The following ITPR3 variants were observed in gnomAD, a reference collection of about 807,000 sequenced individuals.
ITPR3 encodes the protein inositol 1,4,5-trisphosphate receptor type 3.
Under a neutral mutation model 293.2 loss-of-function variants are expected in ITPR3, and 173 were observed. That is an observed-to-expected ratio of 0.59 (90% CI 0.52 to 0.67). ITPR3 has a LOEUF of 0.67. Among genes scored for constraint, ITPR3 ranks in the 30% least tolerant of loss-of-function variants. ITPR3 has a pLI of 0.00. For missense variants in ITPR3, 2,796 were observed against 3,592.1 expected (o/e 0.78, Z 5.66); for synonymous variants, 1,295 against 1,444.4 (o/e 0.90, Z 2.35).
rs139529366 is a variant in ITPR3, at chr6:33,660,249, T to G, written c.711+700T>G. Among the ~76,000 whole-genome samples the G allele has an allele frequency of 6.4e-3, 978 of 152,184 alleles. 4 individuals carry two copies. Among genetic ancestry groups the G allele is most frequent in the Non-Finnish European group, 0.01 (704 of 67,986 alleles). ...AGGGCAGATCTGTAGAGTGTGAGGC[T>G]GTCCAGCTAGGGGAGCAGGCAGGAA... On this transcript the variant is annotated intron_variant, in intron 7 of 57. Coordinates refer to ENST00000605930, the MANE Select transcript of ITPR3 (RefSeq NM_002224.4).
rs141148752 is a variant in ITPR3, at chr6:33,664,003, CTG to C, written c.1148+125_1148+126del. 4.2e-3 allele frequency: 4,897 copies of C among 1,171,876 alleles called. 149 individuals carry two copies. The East Asian group carries it at 0.064, about 15-fold the overall frequency. 72.6% of individuals were successfully genotyped at this position (1,171,876 alleles called of 1,614,324 possible). On this transcript the variant is annotated intron_variant, in intron 11 of 57. Coordinates refer to ENST00000605930, the MANE Select transcript of ITPR3 (RefSeq NM_002224.4). This position sits in a 1 kb window ranked among gnomAD's most constrained non-coding sequence, Gnocchi z 4.4. ...TGCGGTCCTTTAGCCTCTGGGGTCT[CTG>C]TAGGTCCCATCCCTCTGGGGATCTA...
intron 3 of ITPR3, among the ~76,000 whole-genome samples, chr6:33,656,914 GC>G (rs1477884324): frequency 6.6e-6 from 1 of 152,228 alleles, no homozygotes; most frequent in Non-Finnish European, 1.5e-5. Flanking sequence ...CTGCAGGTGG[GC>G]TGCCTGAGCT....
In ITPR3 at chr6:33,685,758, C is replaced by T. The variant is rs777992438; in HGVS notation, c.5598C>T (p.Ser1866=). The T allele has an allele frequency of 3.1e-6, 5 of 1,604,742 alleles. No individual in the cohort carries two copies. The highest frequency in any genetic ancestry group is 2.7e-5 in the African/African-American group (2 of 74,744). The change falls in exon 41 of 58, where the codon TCC becomes TCT. Residue 1866 remains serine, a synonymous_variant. Coordinates refer to ENST00000605930, the MANE Select transcript of ITPR3 (RefSeq NM_002224.4). The part of the protein sequence containing the change: ...ERVQSSEMGT[S]VLIMQPILRF... ...TGCAGAGCAGTGAGATGGGCACATC[C>T]GTGCTCATCATGCAGCCCATCCTGC...
At position 33,690,042 on chromosome 6, in the gene ITPR3, C is replaced by T. The variant is rs751208570; in HGVS notation, c.6876C>T (p.Asn2292=). ...CTTGCACTCGCCCCCAGCTGACCAA[C>T]AAGATCGTGTTTGTGGTGAGCTTCG... ...LNILGALNLT[N]KIVFVVSFVG... The change falls in exon 51 of 58, where the codon AAC becomes AAT. Residue 2292 remains asparagine (N), a synonymous_variant. Coordinates refer to ENST00000605930, the MANE Select transcript of ITPR3 (RefSeq NM_002224.4). 1.2e-6 allele frequency: 2 copies of T among 1,614,100 alleles called. No homozygotes were observed. Among genetic ancestry groups the T allele is most frequent in the Admixed American group, 1.7e-5 (1 of 60,006 alleles).
chr6:33,688,925 T>C (rs1765314323), intron 49 of ITPR3, 144 bp downstream of exon 49: 1 of 1,146,930 alleles, frequency 8.7e-7, no homozygotes, highest in Non-Finnish European at 1.3e-6. Flanking sequence ...TCCTGTGGGC[T>C]CTCGCCCCAT....
intron 2 of ITPR3, among the ~76,000 whole-genome samples, chr6:33,641,398 C>T (rs528341716): frequency 6.6e-5 from 10 of 152,250 alleles, no homozygotes; most frequent in East Asian, 1.9e-4. Flanking sequence ...ATTGTCCTCG[C>T]GGGGGATGCT....
intron 2 of ITPR3, among the ~76,000 whole-genome samples, chr6:33,646,601 TCCTC>T (rs1377570069): frequency 6.6e-6 from 1 of 151,876 alleles, no homozygotes; most frequent in African/African-American, 2.4e-5. Flanking sequence ...AGCTCAAACT[TCCTC>T]TCTCTCTCTT....
At chr6:33,625,389 C>T (rs563282640) in intron 1 of ITPR3, among the ~76,000 whole-genome samples, 4 of 152,176 alleles carry the variant, frequency 2.6e-5, no homozygotes, top group African/African-American at 9.7e-5. Flanking sequence ...GCCTCCACAC[C>T]CAGCTAATTT....
rs1486044751 is a variant in ITPR3 at position 33,662,972 on chromosome 6, A to G, written c.920A>G (p.Lys307Arg). 6.2e-7 allele frequency: 1 copy of G among 1,604,246 alleles called. No homozygotes were observed. Among genetic ancestry groups the G allele is most frequent in the South Asian group, 1.1e-5 (1 of 89,122 alleles). The part of the protein sequence containing the change: ...AGHWNGLYRF[K>R]HLATGNYLAA... ...CACTGGAATGGCTTGTACCGCTTCA[A>G]GCACCTGGCTACAGGCAACTACCTG... Residue 307 changes from lysine (K) to arginine (R), a missense_variant, in exon 9 of 58, where the codon AAG (lysine) becomes AGG (arginine). Physicochemically the swap from Lys to Arg is conservative, Grantham distance 26 (BLOSUM62 2). This residue lies in a region of ITPR3 where 955 missense variants were observed against 1,180.8 expected (regional missense o/e 0.81). Coordinates refer to ENST00000605930, the MANE Select transcript of ITPR3 (RefSeq NM_002224.4).
chr6:33,677,824 C>G (rs1261786679), intron 28 of ITPR3, among the ~76,000 whole-genome samples, 195 bp downstream of exon 28: 1 of 152,144 alleles, frequency 6.6e-6, no homozygotes, highest in East Asian at 1.9e-4. Context: ...CCCTCTACCC[C>G]TCATCCTAAT....
chr6:33,674,806 T>A (rs2127291997), intron 24 of ITPR3, among the ~76,000 whole-genome samples: 1 of 152,340 alleles, frequency 6.6e-6, no homozygotes, highest in East Asian at 1.9e-4. Context: ...AAATTAGTAG[T>A]GACAGTTATG....
At position 33,683,425 on chromosome 6, in the gene ITPR3, C is replaced by T; in HGVS notation, c.4788+28C>T. 1 of 1,476,084 alleles carries T rather than the reference C, an allele frequency of 6.8e-7. No individual in the cohort carries two copies. The highest frequency in any genetic ancestry group is 9.1e-7 in the Non-Finnish European group (1 of 1,102,944). 91.4% of individuals were successfully genotyped at this position (1,476,084 alleles called of 1,614,324 possible). On this transcript the variant is annotated intron_variant, in intron 35 of 57. Transcript: ENST00000605930. This position sits in a 1 kb window ranked among gnomAD's most constrained non-coding sequence, Gnocchi z 4.5. ...GGGTGTGGGGCTGCCTGGCATCTGC[C>T]TCGGGAGCTGCTTGGTTGAGTCAGC...
chr6:33,658,608 C>T lies in ITPR3; in HGVS notation c.370-62C>T, dbSNP rs995399396. Reference sequence around the variant, plus strand: ...AGGGTCTAGGGGATCCCCCCATATCCCCTCCCTAATGGGCCGACTCCTGTG... The same window carrying T: ...AGGGTCTAGGGGATCCCCCCATATCTCCTCCCTAATGGGCCGACTCCTGTG... On this transcript the variant is annotated intron_variant, in intron 4 of 57. Transcript: ENST00000605930. The surrounding 1 kb of genome is among the most constrained non-coding windows in gnomAD (Gnocchi z 6.1). The T allele has an allele frequency of 3.2e-5, 50 of 1,584,890 alleles. No homozygotes were observed. Among genetic ancestry groups the T allele is most frequent in the Non-Finnish European group, 4.2e-5 (49 of 1,160,210 alleles).
In ITPR3 at chr6:33,675,921, A is replaced by G; in HGVS notation, c.3282+65A>G. 1 of 1,459,430 alleles carries G rather than the reference A, an allele frequency of 6.9e-7. No homozygotes were observed. The highest frequency in any genetic ancestry group is 1.4e-5 in the South Asian group (1 of 71,842). The allele number at this position is 1,459,430 out of a possible 1,614,324, so 90.4% of individuals were successfully genotyped here. A position where few individuals can be genotyped will look rare whatever the true frequency, so the allele number is the denominator to read the frequency against. ...TGCACCAGGCACGGGGGGACAGTAAACGATGATTGAGGAGCTCACAGCTCA... is the reference window on the plus strand; with the variant it reads ...TGCACCAGGCACGGGGGGACAGTAAGCGATGATTGAGGAGCTCACAGCTCA... On this transcript the variant is annotated intron_variant, in intron 25 of 57. Transcript: ENST00000605930. This position sits in a 1 kb window ranked among gnomAD's most constrained non-coding sequence, Gnocchi z 5.0.
chr6:33,645,887 G>C (rs1764054434), intron 2 of ITPR3, among the ~76,000 whole-genome samples: 1 of 151,740 alleles, frequency 6.6e-6, no homozygotes, highest in African/African-American at 2.4e-5. Flanking sequence ...ACCCAGGCTG[G>C]AGTGCAATGG....
intron 3 of ITPR3, among the ~76,000 whole-genome samples, chr6:33,656,121 C>G (rs1293820409): frequency 6.6e-6 from 1 of 151,930 alleles, no homozygotes; most frequent in African/African-American, 2.4e-5. Context: ...TAGCAAGACC[C>G]TATCTCTACA....
rs894766575 is a variant in ITPR3 at position 33,684,875 on chromosome 6, GAGA to G, written c.5243_5245del (p.Lys1748del). 22 of 1,613,960 alleles carry G rather than the reference GAGA, an allele frequency of 1.4e-5. No homozygotes were observed. The highest frequency in any genetic ancestry group is 1.9e-5 in the Non-Finnish European group (22 of 1,180,012). The stretch of plus-strand genomic sequence containing the variant: ...CGACCTCATCACCAGCACCAAGAAC[GAGA>G]AGATCTTCCAGGAGAGCATCGGCCT... On this transcript the variant is annotated inframe_deletion, in exon 39 of 58. Coordinates refer to ENST00000605930, the MANE Select transcript of ITPR3 (RefSeq NM_002224.4). This position sits in a 1 kb window ranked among gnomAD's most constrained non-coding sequence, Gnocchi z 4.2.
At chr6:33,642,411 GAA>G (rs1384760396) in intron 2 of ITPR3, among the ~76,000 whole-genome samples, 1 of 152,096 alleles carries the variant, frequency 6.6e-6, no homozygotes, top group African/African-American at 2.4e-5. Flanking sequence ...GAGACAGAGA[GAA>G]AGAGAGAGAG....
At position 33,675,545 on chromosome 6, in the gene ITPR3, T is replaced by G; in HGVS notation, c.3117-146T>G. The G allele has an allele frequency of 1.3e-6, 1 of 786,806 alleles. No individual in the cohort carries two copies. Among genetic ancestry groups the G allele is most frequent in the South Asian group, 2.4e-5 (1 of 41,332 alleles). 48.7% of individuals were successfully genotyped at this position (786,806 alleles called of 1,614,324 possible). On this transcript the variant is annotated intron_variant, in intron 24 of 57. Transcript: ENST00000605930. The surrounding 1 kb of genome is among the most constrained non-coding windows in gnomAD (Gnocchi z 5.0). ...AGTGGCTGTTAAACTGCTGAGAAAG[T>G]GTCAATATTTTAAACACATTTAGAC...
Sources: gnomAD v4.1 joint callset for allele counts (sites outside exome capture counted in the v4.1 genomes callset) on GRCh38, gnomAD v4.1.1 for gene constraint, gnomAD v4.1.1 regional missense constraint, Gnocchi (gnomAD v3.1) non-coding constraint, MANE v1.5 for transcripts, NCBI Gene and HGNC (gene_info 2026-07-23, HGNC 2026-07-21) for gene names.